Variants in DOP1A observed in about 807,000 individuals in gnomAD.
The protein encoded by DOP1A is protein DOP1A.
Under a neutral mutation model 267.6 loss-of-function variants are expected in DOP1A, and 90 were observed. That is an observed-to-expected ratio of 0.34 (90% CI 0.28 to 0.40). The LOEUF (loss-of-function observed/expected upper bound fraction) is 0.40, where lower values mean the gene tolerates loss of function less well. Ranked by LOEUF, DOP1A falls within the 10% of genes least tolerant of loss-of-function variation. DOP1A has a pLI of 1.00. For missense variants in DOP1A, 2,437 were observed against 2,900.4 expected, an observed-to-expected ratio of 0.84 and a Z score of 3.67; for synonymous variants, 932 against 999.1, an observed-to-expected ratio of 0.93 and a Z score of 1.27.
At chr6:83,106,818 AGAG>A (rs1367584658) in intron 4 of DOP1A, among the ~76,000 whole-genome samples, 9 of 126,240 alleles carry the variant, frequency 7.1e-5, no homozygotes, top group South Asian at 2.7e-4. Context: ...AAAAAAAAAA[AGAG>A]AGAGAGAAAA....
chr6:83,160,818 A>G (rs6926512), intron 37 of DOP1A, among the ~76,000 whole-genome samples: 5,773 of 152,240 alleles, frequency 0.038, 182 homozygotes, highest in African/African-American at 0.074. Flanking sequence ...ATAATAGGAT[A>G]AAGAGTATGC....
intron 36 of DOP1A, among the ~76,000 whole-genome samples, chr6:83,159,442 GTT>G (rs566662199): frequency 7.1e-6 from 1 of 141,112 alleles, no homozygotes. Flanking sequence ...CCTGGCTAGT[GTT>G]TTTTTTTTTT....
intron 19 of DOP1A, among the ~76,000 whole-genome samples, chr6:83,135,085 T>C (rs1212071735): frequency 6.6e-6 from 1 of 152,098 alleles, no homozygotes; most frequent in Non-Finnish European, 1.5e-5. Context: ...ATTTTACAAG[T>C]GAGGGAATAG....
intron 24 of DOP1A, among the ~76,000 whole-genome samples, chr6:83,142,298 A>G (rs921384741): frequency 3.9e-5 from 6 of 152,082 alleles, no homozygotes; most frequent in African/African-American, 1.4e-4. Context: ...TCATGAGGTC[A>G]GGAGATCCAG....
At chr6:83,095,171 G>A (rs185724246) in intron 1 of DOP1A, among the ~76,000 whole-genome samples, 2 of 152,136 alleles carry the variant, frequency 1.3e-5, no homozygotes, top group African/African-American at 4.8e-5. Flanking sequence ...GACCTCAAGC[G>A]ATCCGCCTAC....
chr6:83,098,252 G>A (rs1771874996), intron 3 of DOP1A, among the ~76,000 whole-genome samples: 1 of 152,088 alleles, frequency 6.6e-6, no homozygotes, highest in East Asian at 1.9e-4. Context: ...GATGTGTGGG[G>A]GAAGAAAACA....
At chr6:83,078,971 G>C (rs1483225490) in intron 1 of DOP1A, among the ~76,000 whole-genome samples, 3 of 152,104 alleles carry the variant, frequency 2.0e-5, no homozygotes, top group Non-Finnish European at 4.4e-5. Context: ...GGACATTGAA[G>C]GGTTGTAGGA....
intron 1 of DOP1A, among the ~76,000 whole-genome samples, chr6:83,094,613 G>C (rs771882149): frequency 1.3e-5 from 2 of 152,124 alleles, no homozygotes; most frequent in Non-Finnish European, 2.9e-5. Flanking sequence ...TTGTGGTTTT[G>C]ATTTGTTTCC....
intron 35 of DOP1A, 116 bp downstream of exon 35, chr6:83,157,434 C>T: frequency 9.3e-7 from 1 of 1,074,744 alleles, no homozygotes; most frequent in Admixed American, 2.3e-5. Flanking sequence ...GTAGTTAAAC[C>T]AGTTACTGAT....
intron 1 of DOP1A, among the ~76,000 whole-genome samples, chr6:83,069,726 C>G (rs1450521510): frequency 2.6e-5 from 4 of 152,008 alleles, no homozygotes; most frequent in Non-Finnish European, 5.9e-5. Context: ...GGTTTTTTGA[C>G]TTTTTTAAAA....
chr6:83,138,983 T>TTTGC lies in DOP1A; in HGVS notation c.4942_4945dup (p.His1649LeufsTer8). ...TGTTCCTCTGTGCAGTGATACGAGC[T>TTTGC]TTGCATCAGCACTGTGCATGTAAGA... is the stretch of plus-strand genomic sequence containing the variant. On this transcript the variant is annotated frameshift_variant, in exon 21 of 39. Transcript: ENST00000349129. LOFTEE classifies it high-confidence loss of function. The TTTGC allele has an allele frequency of 6.2e-7, 1 of 1,614,110 alleles. No homozygotes were observed. Among genetic ancestry groups the TTTGC allele is most frequent in the Non-Finnish European group, 8.5e-7 (1 of 1,179,960 alleles).
Position 83,096,721 on chromosome 6 carries a change from C to T in DOP1A, c.-146-10C>T. On this transcript the variant is annotated splice_polypyrimidine_tract_variant and intron_variant, in intron 1 of 38. Coordinates refer to ENST00000349129, the MANE Select transcript of DOP1A (RefSeq NM_015018.4). ...TACTAAATTTTCACAGTCATTTTTC[C>T]AATTCCTAGGAAGGAACACACAAGT... 2.4e-6 allele frequency: 1 copy of T among 409,166 alleles called. No homozygotes were observed. Among genetic ancestry groups the T allele is most frequent in the Non-Finnish European group, 4.3e-6 (1 of 232,562 alleles). The allele number at this position is 409,166 out of a possible 1,614,324, so 25.3% of individuals were successfully genotyped here.
intron 31 of DOP1A, 45 bp from the exon 32 acceptor site, chr6:83,153,849 T>A: frequency 6.4e-7 from 1 of 1,556,738 alleles, no homozygotes. Context: ...GATAGGATGA[T>A]TAAAGTTAGG....
chr6:83,108,816 C>A (rs1582965201), intron 4 of DOP1A, 94 bp from the exon 5 acceptor site: 7 of 1,233,666 alleles, frequency 5.7e-6, no homozygotes, highest in Non-Finnish European at 7.7e-6. Context: ...ATAACTTTTT[C>A]ATCAGAAAGA....
At chr6:83,113,296 T>C (rs899693742) in intron 6 of DOP1A, 27 bp from the exon 7 acceptor site, 3 of 1,578,974 alleles carry the variant, frequency 1.9e-6, no homozygotes, top group African/African-American at 2.7e-5. Context: ...TAATAGACAA[T>C]AGATGTTAAA....
intron 1 of DOP1A, among the ~76,000 whole-genome samples, chr6:83,087,275 T>A (rs1197986052): frequency 6.6e-6 from 1 of 152,202 alleles, no homozygotes; most frequent in Non-Finnish European, 1.5e-5. Context: ...ATGAAATAGT[T>A]GTGTCAAGAA....
chr6:83,120,860 G>A, intron 10 of DOP1A, 69 bp downstream of exon 10: 1 of 1,184,674 alleles, frequency 8.4e-7, no homozygotes, highest in Non-Finnish European at 1.2e-6. Context: ...AATAAAAAGA[G>A]TCATCAGGGA....
At chr6:83,095,025 C>T (rs6923101) in intron 1 of DOP1A, among the ~76,000 whole-genome samples, 5,799 of 151,064 alleles carry the variant, frequency 0.038, 183 homozygotes, top group African/African-American at 0.075. Context: ...CTCGGACTGC[C>T]GGGTTCAAGT....
At chr6:83,152,429 A>G in intron 30 of DOP1A, 62 bp downstream of exon 30, 1 of 746,968 alleles carries the variant, frequency 1.3e-6, no homozygotes, top group Non-Finnish European at 2.0e-6. Flanking sequence ...AAAAATTAGC[A>G]AGTAATTTTT....
Sources: gnomAD v4.1 joint callset for allele counts (sites outside exome capture counted in the v4.1 genomes callset) on GRCh38, gnomAD v4.1.1 for gene constraint, MANE v1.5 for transcripts, NCBI Gene and HGNC (gene_info 2026-07-23, HGNC 2026-07-21) for gene names.